The following DOCK2 variants were observed in gnomAD, a reference collection of about 807,000 sequenced individuals.
DOCK2 encodes dedicator of cytokinesis protein 2.
In DOCK2, 87 loss-of-function variants were observed where a neutral mutation model predicts 248.9. The ratio of observed to expected loss-of-function variants is 0.35; its 90% CI spans 0.29 to 0.42. The LOEUF (loss-of-function observed/expected upper bound fraction) is 0.42, where lower values mean the gene tolerates loss of function less well. Ranked by LOEUF, DOCK2 falls within the 10% of genes least tolerant of loss-of-function variation. The pLI is 1.00. For missense variants in DOCK2, 1,747 were observed against 2,300.2 expected (o/e 0.76, Z 4.92); for synonymous variants, 805 against 821.6 (o/e 0.98, Z 0.35).
At chr5:169,658,093 T>C (rs1464124535) in intron 2 of DOCK2, among the ~76,000 whole-genome samples, 1 of 152,230 alleles carries the variant, frequency 6.6e-6, no homozygotes, top group Non-Finnish European at 1.5e-5. Context: ...ACAATTTTCA[T>C]TTTAGAGAAG....
In DOCK2 at chr5:169,674,465, C is replaced by A; in HGVS notation, c.470+20C>A. 1 of 1,612,660 alleles carries A rather than the reference C, an allele frequency of 6.2e-7. No individual in the cohort carries two copies. The highest frequency in any genetic ancestry group is 8.5e-7 in the Non-Finnish European group (1 of 1,179,042). On this transcript the variant is annotated intron_variant, in intron 6 of 51. Coordinates refer to ENST00000520908, the MANE Select transcript of DOCK2 (RefSeq NM_004946.3). ...CAACAAGTAACCTCTCTTTCCTCTG[C>A]AAAGAGGTTTTCTTCCCCCAGCCAT...
intron 27 of DOCK2, among the ~76,000 whole-genome samples, chr5:169,923,591 T>C (rs989848788): frequency 1.3e-5 from 2 of 152,186 alleles, no homozygotes; most frequent in Admixed American, 6.5e-5. Flanking sequence ...TATTGTGACC[T>C]TGGGCACGTC....
chr5:169,731,665 C>T (rs1762778535), intron 22 of DOCK2, among the ~76,000 whole-genome samples: 1 of 128,920 alleles, frequency 7.8e-6, no homozygotes, highest in African/African-American at 4.3e-5. Context: ...CATTCTTGTA[C>T]ACAAGTGTAT....
intron 39 of DOCK2, among the ~76,000 whole-genome samples, 188 bp from the exon 40 acceptor site, chr5:170,047,322 C>T (rs776662523): frequency 8.5e-5 from 13 of 152,178 alleles, no homozygotes; most frequent in Non-Finnish European, 1.8e-4. Context: ...GAGTGATTAA[C>T]ACAGTCCCTG....
intron 22 of DOCK2, among the ~76,000 whole-genome samples, chr5:169,735,740 AG>A (rs1763002641): frequency 6.6e-6 from 1 of 152,200 alleles, no homozygotes; most frequent in African/African-American, 2.4e-5. Flanking sequence ...ACTTTAGCCA[AG>A]TAAAAGCTGC....
chr5:170,067,166 A>G (rs1406853017), intron 44 of DOCK2, among the ~76,000 whole-genome samples: 1 of 152,174 alleles, frequency 6.6e-6, no homozygotes, highest in Non-Finnish European at 1.5e-5. Flanking sequence ...AATAACTCAC[A>G]CATAGTATCT....
chr5:169,985,121 T>A (rs1484951054), intron 28 of DOCK2, among the ~76,000 whole-genome samples: 1 of 152,096 alleles, frequency 6.6e-6, no homozygotes, highest in Non-Finnish European at 1.5e-5. Context: ...GCCAGGATGG[T>A]CTCAATCTCT....
At chr5:169,850,894 G>C (rs1485327231) in intron 27 of DOCK2, among the ~76,000 whole-genome samples, 1 of 152,168 alleles carries the variant, frequency 6.6e-6, no homozygotes, top group African/African-American at 2.4e-5. Context: ...ATTTTAAGTG[G>C]GAGGAGCATT....
chr5:169,890,665 T>C (rs1454291221), intron 27 of DOCK2, among the ~76,000 whole-genome samples: 1 of 152,200 alleles, frequency 6.6e-6, no homozygotes, highest in Non-Finnish European at 1.5e-5. Context: ...ATGGGTTGAC[T>C]TGAGGAAAAA....
At chr5:169,918,055 T>C (rs1035876239) in intron 27 of DOCK2, among the ~76,000 whole-genome samples, 1 of 152,232 alleles carries the variant, frequency 6.6e-6, no homozygotes, top group African/African-American at 2.4e-5. Flanking sequence ...TAGCATAAAC[T>C]TCTGATATTC....
intron 8 of DOCK2, among the ~76,000 whole-genome samples, chr5:169,686,215 C>A (rs540144075): frequency 6.6e-6 from 1 of 152,112 alleles, no homozygotes; most frequent in Admixed American, 6.5e-5. Flanking sequence ...TAGAAGCAAC[C>A]GAGAGGAAAC....
intron 27 of DOCK2, among the ~76,000 whole-genome samples, chr5:169,893,233 G>A (rs569428331): frequency 1.3e-5 from 2 of 152,282 alleles, no homozygotes; most frequent in African/African-American, 4.8e-5. Context: ...CTAGCCAGAG[G>A]CATTGGCTGC....
chr5:169,862,632 G>A (rs1215983446), intron 27 of DOCK2, among the ~76,000 whole-genome samples: 2 of 152,184 alleles, frequency 1.3e-5, no homozygotes, highest in East Asian at 1.9e-4. Flanking sequence ...GATTCTGTGG[G>A]CTTAAACATT....
At chr5:169,702,163 CT>C in intron 13 of DOCK2, 139 bp from the exon 14 acceptor site, 1 of 1,067,402 alleles carries the variant, frequency 9.4e-7, no homozygotes, top group Non-Finnish European at 1.3e-6. Context: ...GGGAAAAATG[CT>C]TTCTCTAAGC....
chr5:169,927,717 T>A (rs1357596915), intron 27 of DOCK2, among the ~76,000 whole-genome samples: 1 of 152,194 alleles, frequency 6.6e-6, no homozygotes, highest in Non-Finnish European at 1.5e-5. Context: ...CCCGAGTTCA[T>A]GCCATTCTCC....
At chr5:169,744,408 A>G (rs1454980862) in intron 22 of DOCK2, among the ~76,000 whole-genome samples, 1 of 152,144 alleles carries the variant, frequency 6.6e-6, no homozygotes, top group African/African-American at 2.4e-5. Flanking sequence ...GAGTCTCTTC[A>G]TCTGTACAAT....
At chr5:170,074,356 A>T (rs972815583) in intron 46 of DOCK2, among the ~76,000 whole-genome samples, 1 of 150,802 alleles carries the variant, frequency 6.6e-6, no homozygotes, top group Non-Finnish European at 1.5e-5. Flanking sequence ...CCTATTGGAG[A>T]CTTTCCTCCA....
intron 27 of DOCK2, among the ~76,000 whole-genome samples, chr5:169,961,187 T>A (rs1351774014): frequency 4.6e-5 from 7 of 152,218 alleles, no homozygotes; most frequent in Non-Finnish European, 5.9e-5. Context: ...TGAGGGGGCA[T>A]AAATGGGTAG....
chr5:169,846,467 A>C (rs778344047), intron 27 of DOCK2, among the ~76,000 whole-genome samples: 4 of 152,152 alleles, frequency 2.6e-5, no homozygotes, highest in Non-Finnish European at 5.9e-5. Context: ...TTACATGACT[A>C]GTACCCTTTC....
Sources: allele counts gnomAD v4.1 joint callset (sites outside exome capture counted in the v4.1 genomes callset), GRCh38; gene constraint gnomAD v4.1.1; transcripts MANE v1.5; gene names NCBI Gene and HGNC (gene_info 2026-07-23, HGNC 2026-07-21).